RABGAP1L: variants seen among roughly 807,000 people sequenced by gnomAD.
The protein encoded by RABGAP1L is rab GTPase-activating protein 1-like.
A neutral mutation model predicts 137.7 loss-of-function variants in RABGAP1L; 63 were observed. That is an observed-to-expected ratio of 0.46 (90% CI 0.37 to 0.56). The LOEUF (loss-of-function observed/expected upper bound fraction) is 0.56, where lower values mean the gene tolerates loss of function less well. RABGAP1L is among the 20% of genes least tolerant of loss of function. RABGAP1L has a pLI of 0.00. For synonymous variants in RABGAP1L, 431 were observed against 433.7 expected (o/e 0.99, Z 0.08); for missense variants, 1,095 against 1,244.0 (o/e 0.88, Z 1.80).
chr1:174,370,630 C>T (rs1685042192), intron 11 of RABGAP1L, among the ~76,000 whole-genome samples: 2 of 149,414 alleles, frequency 1.3e-5, no homozygotes, highest in South Asian at 4.2e-4. Flanking sequence ...TTTGTTGGTC[C>T]CATTAATAAA....
At chr1:174,742,192 AG>A (rs1390479140) in intron 17 of RABGAP1L, among the ~76,000 whole-genome samples, 1 of 25,850 alleles carries the variant, frequency 3.9e-5, no homozygotes, top group Non-Finnish European at 7.6e-5. Context: ...GAAGAGGAGG[AG>A]GGGGAGGGGG....
chr1:174,833,388 GTGTGTGTGTGTGTA>G (rs1289351953), intron 19 of RABGAP1L, among the ~76,000 whole-genome samples: 1 of 72,168 alleles, frequency 1.4e-5, no homozygotes, highest in African/African-American at 3.3e-5. Flanking sequence ...GTGTGTGTGT[GTGTGTGTGTGTGTA>G]TGTGTGTATG....
At chr1:174,625,062 C>T (rs1042268989) in intron 13 of RABGAP1L, among the ~76,000 whole-genome samples, 18 of 151,808 alleles carry the variant, frequency 1.2e-4, no homozygotes, top group Non-Finnish European at 2.5e-4. Flanking sequence ...TTAGTAGAGA[C>T]GGGGTTTCAC....
chr1:174,246,059 G>T (rs902384084), intron 5 of RABGAP1L: 2 of 152,094 alleles, frequency 1.3e-5, no homozygotes, highest in Non-Finnish European at 1.5e-5. Context: ...AAATACCTTT[G>T]TTACTTAATA....
intron 19 of RABGAP1L, among the ~76,000 whole-genome samples, chr1:174,874,184 A>G (rs904486989): frequency 2.0e-5 from 3 of 152,052 alleles, no homozygotes; most frequent in African/African-American, 4.8e-5. Context: ...TTATAAACCT[A>G]ATAAACCTAT....
chr1:174,186,117 C>G (rs984047803), intron 1 of RABGAP1L, among the ~76,000 whole-genome samples: 3 of 148,850 alleles, frequency 2.0e-5, no homozygotes, highest in Non-Finnish European at 4.4e-5. Flanking sequence ...GCACTCCAGC[C>G]TGGGCAACAA....
chr1:174,403,644 GTTAATA>G (rs905468779), intron 13 of RABGAP1L, among the ~76,000 whole-genome samples: 4 of 152,068 alleles, frequency 2.6e-5, no homozygotes, highest in African/African-American at 9.7e-5. Context: ...TAATAGCAAT[GTTAATA>G]TTAATAATGG....
intron 13 of RABGAP1L, among the ~76,000 whole-genome samples, chr1:174,457,766 G>C (rs1190062295): frequency 6.6e-6 from 1 of 152,154 alleles, no homozygotes; most frequent in Admixed American, 6.5e-5. Context: ...GTCTTCCAGT[G>C]ATGGGACTAC....
At chr1:174,453,528 T>TA (rs1161491025) in intron 13 of RABGAP1L, among the ~76,000 whole-genome samples, 1 of 152,208 alleles carries the variant, frequency 6.6e-6, no homozygotes, top group Non-Finnish European at 1.5e-5. Flanking sequence ...ATTCTGAGCA[T>TA]AGATAGCATC....
chr1:174,173,811 G>T (rs1246403618), intron 1 of RABGAP1L, among the ~76,000 whole-genome samples: 1 of 152,140 alleles, frequency 6.6e-6, no homozygotes, highest in Admixed American at 6.6e-5. Context: ...AGAAGGATAT[G>T]TAAACTGATC....
At chr1:174,728,486 G>GA (rs1425017320) in intron 17 of RABGAP1L, among the ~76,000 whole-genome samples, 2 of 150,952 alleles carry the variant, frequency 1.3e-5, no homozygotes, top group Non-Finnish European at 2.9e-5. Flanking sequence ...ACAAACAAAT[G>GA]AAAAAACATT....
chr1:174,389,082 TATC>T (rs1156962618), intron 12 of RABGAP1L, among the ~76,000 whole-genome samples: 5 of 152,120 alleles, frequency 3.3e-5, no homozygotes, highest in Admixed American at 6.5e-5. Context: ...ATTCATTACT[TATC>T]AGCAGAGTGG....
intron 19 of RABGAP1L, among the ~76,000 whole-genome samples, chr1:174,870,555 C>A (rs1340730187): frequency 1.3e-5 from 2 of 152,092 alleles, no homozygotes; most frequent in African/African-American, 4.8e-5. Context: ...TTTTTTAATC[C>A]TAGCAGCTCT....
intron 1 of RABGAP1L, among the ~76,000 whole-genome samples, chr1:174,211,492 AC>A (rs1461305996): frequency 1.3e-5 from 2 of 152,206 alleles, no homozygotes; most frequent in Non-Finnish European, 2.9e-5. Flanking sequence ...TACAATAAGT[AC>A]AAAAAAATTG....
At chr1:174,189,714 A>T (rs754042683) in intron 1 of RABGAP1L, among the ~76,000 whole-genome samples, 7 of 152,150 alleles carry the variant, frequency 4.6e-5, no homozygotes, top group Non-Finnish European at 7.4e-5. Context: ...CATGCCTGTA[A>T]TCCTTGTACT....
rs549416742 is a variant in RABGAP1L at position 174,367,686 on chromosome 1, G to C, written c.1466-3293G>C. On this transcript the variant is annotated intron_variant, in intron 11 of 25. Coordinates refer to ENST00000681986, the MANE Select transcript of RABGAP1L (RefSeq NM_001366446.1). ...TGTTCTGTATTCTTGTCACTTAGAC[G>C]TGGACAATACATACATAGGACTAAT... 51 of 222,468 alleles carry C rather than the reference G, an allele frequency of 2.3e-4. No individual in the cohort carries two copies. The Middle Eastern group carries it at 0.014, about 61-fold the overall frequency. 13.8% of individuals were successfully genotyped at this position (222,468 alleles called of 1,614,324 possible). A position where few individuals can be genotyped will look rare whatever the true frequency, so the allele number is the denominator to read the frequency against.
At chr1:174,333,816 C>G (rs1681246866) in intron 11 of RABGAP1L, among the ~76,000 whole-genome samples, 1 of 152,152 alleles carries the variant, frequency 6.6e-6, no homozygotes, top group Non-Finnish European at 1.5e-5. Flanking sequence ...TGGAACAACC[C>G]TATGTTTCCA....
At chr1:174,452,238 A>G (rs1430067327) in intron 13 of RABGAP1L, among the ~76,000 whole-genome samples, 1 of 152,140 alleles carries the variant, frequency 6.6e-6, no homozygotes, top group African/African-American at 2.4e-5. Flanking sequence ...TGCATTCTGT[A>G]TTCTTTTTCC....
In RABGAP1L at chr1:174,946,976, G is replaced by GTA. The variant is rs1482540228; in HGVS notation, c.2341-10480_2341-10479insAT. ...TGTGTGTGTGTGTGTGTGTGTGTGT[G>GTA]TGTGTATATATATGTATATATATAT... is the stretch of plus-strand genomic sequence containing the variant. On this transcript the variant is annotated intron_variant, in intron 19 of 25. Transcript: ENST00000681986. Among the ~76,000 whole-genome samples, 530 of 113,338 alleles carry GTA rather than the reference G, an allele frequency of 4.7e-3. 6 individuals are homozygous for GTA. The highest frequency in any genetic ancestry group is 0.012 in the African/African-American group (361 of 30,536). 74.4% of individuals were successfully genotyped at this position (113,338 alleles called of 152,430 possible).
Sources: gnomAD v4.1 joint callset for allele counts (sites outside exome capture counted in the v4.1 genomes callset) on GRCh38, gnomAD v4.1.1 for gene constraint, MANE v1.5 for transcripts, NCBI Gene and HGNC (gene_info 2026-07-23, HGNC 2026-07-21) for gene names.